The following ANXA8 variants were observed in gnomAD, a reference collection of about 807,000 sequenced individuals.
ANXA8 encodes VAC-beta.
Under a neutral mutation model 26.8 loss-of-function variants are expected in ANXA8, and 9 were observed. That is an observed-to-expected ratio of 0.34 (90% CI 0.20 to 0.59). The LOEUF is 0.59. Among genes scored for constraint, ANXA8 ranks in the 20% least tolerant of loss-of-function variants. The probability of loss-of-function intolerance (pLI) is 0.84; values close to 1 mark genes in which losing one functional copy is unlikely to be tolerated. For synonymous variants in ANXA8, 39 were observed against 94.8 expected, an observed-to-expected ratio of 0.41 and a Z score of 3.42; for missense variants, 83 against 238.5, an observed-to-expected ratio of 0.35 and a Z score of 4.29.
chr10:47,586,976 G>T, the ANXA8 span, among the ~76,000 whole-genome samples: 3 of 146,100 alleles, frequency 2.1e-5, 1 homozygote, highest in African/African-American at 8.4e-5. Context: ...GGAGGCCGAG[G>T]CTGGCAGAAC....
chr10:47,674,320 C>CACA, the ANXA8 span, among the ~76,000 whole-genome samples: 1 of 150,678 alleles, frequency 6.6e-6, no homozygotes, highest in African/African-American at 2.5e-5. Flanking sequence ...TTAATAGAGA[C>CACA]AGAGTCTCAC....
the ANXA8 span, among the ~76,000 whole-genome samples, chr10:47,946,293 TTA>T: frequency 6.7e-6 from 1 of 149,770 alleles, no homozygotes; most frequent in Admixed American, 6.6e-5. Context: ...TTCCTAATAT[TTA>T]TCTCAGTTTG....
chr10:47,586,856 A>G, the ANXA8 span, among the ~76,000 whole-genome samples: 1 of 146,360 alleles, frequency 6.8e-6, no homozygotes, highest in Non-Finnish European at 1.5e-5. Flanking sequence ...CTCCTAGGGC[A>G]GTGTTTTTGA....
chr10:47,639,167 G>A, the ANXA8 span, among the ~76,000 whole-genome samples: 2 of 144,940 alleles, frequency 1.4e-5, no homozygotes, highest in East Asian at 4.1e-4. Flanking sequence ...GTCTCGCTCT[G>A]TCGCCCAGGC....
chr10:47,485,567 T>C (rs1840022381), upstream of ANXA8, among the ~76,000 whole-genome samples: 1 of 151,836 alleles, frequency 6.6e-6, no homozygotes, highest in East Asian at 1.9e-4. Flanking sequence ...AACTCACTTA[T>C]TTTTTAAGCA....
At chr10:47,631,298 A>G in the ANXA8 span, among the ~76,000 whole-genome samples, 2 of 151,876 alleles carry the variant, frequency 1.3e-5, no homozygotes, top group Non-Finnish European at 2.9e-5. Context: ...AATTCTCTCA[A>G]AATGATCTTG....
At chr10:47,769,782 C>T in the ANXA8 span, among the ~76,000 whole-genome samples, 2 of 152,288 alleles carry the variant, frequency 1.3e-5, no homozygotes, top group African/African-American at 4.8e-5. Flanking sequence ...TTCCCTGTAC[C>T]GGTATTGTAC....
chr10:47,486,301 C>T (rs1840045170), upstream of ANXA8, among the ~76,000 whole-genome samples: 1 of 149,294 alleles, frequency 6.7e-6, no homozygotes, highest in South Asian at 2.1e-4. Context: ...CCTGCAAGAA[C>T]ATCTCAAGAA....
the ANXA8 span, among the ~76,000 whole-genome samples, chr10:47,932,830 A>G: frequency 1.1e-4 from 7 of 64,926 alleles, no homozygotes; most frequent in Non-Finnish European, 3.0e-5. Context: ...GGAAACAAGC[A>G]GGCCAGTACC....
At chr10:47,775,428 T>C in the ANXA8 span, among the ~76,000 whole-genome samples, 18 of 149,598 alleles carry the variant, frequency 1.2e-4, no homozygotes, top group East Asian at 2.4e-3. Flanking sequence ...AACTTGGCAC[T>C]GTCCTTGTTC....
the ANXA8 span, among the ~76,000 whole-genome samples, chr10:47,626,496 ATC>A: frequency 6.0e-5 from 9 of 150,082 alleles, no homozygotes; most frequent in African/African-American, 2.3e-4. Flanking sequence ...TGAATACAAA[ATC>A]TTTCTTCTTA....
At chr10:47,730,168 C>G in the ANXA8 span, 1 of 314,580 alleles carries the variant, frequency 3.2e-6, no homozygotes, top group Non-Finnish European at 5.2e-6. Flanking sequence ...AACAATGAAA[C>G]CATTCAATGT....
the ANXA8 span, among the ~76,000 whole-genome samples, chr10:47,957,295 A>C: frequency 7.2e-4 from 109 of 150,492 alleles, 8 homozygotes; most frequent in African/African-American, 2.7e-3. Context: ...GATGGCCAGG[A>C]CCCAGGACCC....
chr10:47,585,200 G>T, the ANXA8 span, among the ~76,000 whole-genome samples: 2 of 120,454 alleles, frequency 1.7e-5, no homozygotes, highest in Non-Finnish European at 3.3e-5. Flanking sequence ...GGAGGCAGAG[G>T]TTGCAGTGAA....
the ANXA8 span, chr10:47,502,548 C>T: frequency 1.9e-6 from 3 of 1,612,242 alleles, no homozygotes; most frequent in Admixed American, 5.0e-5. Context: ...CCTTCCTGAG[C>T]TCAACTGGCC....
At chr10:47,664,052 G>T in the ANXA8 span, among the ~76,000 whole-genome samples, 1 of 150,486 alleles carries the variant, frequency 6.6e-6, no homozygotes. Flanking sequence ...TGACTACATT[G>T]TCTACTAAAT....
chr10:47,576,893 G>C, the ANXA8 span, among the ~76,000 whole-genome samples: 8 of 148,102 alleles, frequency 5.4e-5, no homozygotes, highest in African/African-American at 2.0e-4. Flanking sequence ...ACACATTGAA[G>C]ATGCTCAACA....
chr10:47,686,710 TCA>T, the ANXA8 span, among the ~76,000 whole-genome samples: 2 of 151,954 alleles, frequency 1.3e-5, no homozygotes, highest in Non-Finnish European at 2.9e-5. Flanking sequence ...TATGGTGGTC[TCA>T]CAGAGTCAAA....
chr10:47,528,315 G>A, the ANXA8 span, among the ~76,000 whole-genome samples: 55 of 139,714 alleles, frequency 3.9e-4, 1 homozygote, highest in Non-Finnish European at 6.8e-4. Flanking sequence ...TCTTGACTTC[G>A]TGATCCGCCT....
Sources: gnomAD v4.1 joint callset for allele counts (sites outside exome capture counted in the v4.1 genomes callset) on GRCh38, gnomAD v4.1.1 for gene constraint, MANE v1.5 for transcripts, NCBI Gene and HGNC (gene_info 2026-07-23, HGNC 2026-07-21) for gene names.